The following PPP1R12C variants were observed in gnomAD, a reference collection of about 807,000 sequenced individuals.
PPP1R12C encodes protein phosphatase 1 regulatory subunit 12C.
A neutral mutation model predicts 95.6 loss-of-function variants in PPP1R12C; 48 were observed. The ratio of observed to expected loss-of-function variants is 0.50; its 90% confidence interval spans 0.40 to 0.64. The LOEUF (loss-of-function observed/expected upper bound fraction) is 0.64. Among genes scored for constraint, PPP1R12C ranks in the 30% least tolerant of loss-of-function variants. The probability of loss-of-function intolerance (pLI) is 0.00; values close to 1 mark genes in which losing one functional copy is unlikely to be tolerated. For missense variants in PPP1R12C, 1,057 were observed against 1,083.3 expected, an observed-to-expected ratio of 0.98 and a Z score of 0.34; for synonymous variants, 480 against 460.8, an observed-to-expected ratio of 1.04 and a Z score of -0.53.
At position 55,094,668 on chromosome 19, in the gene PPP1R12C, G is replaced by C. The variant is rs1487551917; in HGVS notation, c.1585C>G (p.Arg529Gly). 1 of 1,593,652 alleles carries C rather than the reference G, an allele frequency of 6.3e-7. No individual in the cohort carries two copies. The highest frequency in any genetic ancestry group is 1.7e-5 in the Admixed American group (1 of 57,482). The change falls in exon 12 of 22, where the codon CGA becomes GGA. Residue 529 changes from arginine to glycine, a missense_variant. This residue lies in a region of PPP1R12C where 356 missense variants were observed against 330.5 expected (regional missense o/e 1.08). Transcript: ENST00000263433. Reference protein sequence around the residue: ...STAPPADSRDRRRSYQMPVRD... With the variant: ...STAPPADSRDGRRSYQMPVRD... ...CTGCCCTGGCCTCTTCACCTCCGTCGGTCCCGGGAGTCCGCTGGGGGCGCC... is the reference window on the plus strand; with the variant it reads ...CTGCCCTGGCCTCTTCACCTCCGTCCGTCCCGGGAGTCCGCTGGGGGCGCC...
intron 3 of PPP1R12C, among the ~76,000 whole-genome samples, chr19:55,107,821 ACCAT>A (rs2147204455): frequency 6.6e-6 from 1 of 152,210 alleles, no homozygotes; most frequent in Admixed American, 6.5e-5. Context: ...GTACACATGT[ACCAT>A]AGAACTTAAA....
In PPP1R12C at chr19:55,094,727, G is replaced by C. The variant is rs748089061; in HGVS notation, c.1526C>G (p.Ser509Cys). 1 of 1,610,400 alleles carries C rather than the reference G, an allele frequency of 6.2e-7. No homozygotes were observed. The highest frequency in any genetic ancestry group is 1.1e-5 in the South Asian group (1 of 90,100). The change falls in exon 12 of 22, where the codon TCC becomes TGC. Residue 509 changes from serine (S) to cysteine (C), a missense_variant. Ser to Cys is a moderately radical substitution (Grantham distance 112). Transcript: ENST00000263433. ...SPPSRIPEPE[S>C]PAKPNVPTAS... ...TGTGGGGACGTTTGGCTTCGCTGGG[G>C]ATTCAGGCTCCGGAATCCTGGAGGG...
intron 4 of PPP1R12C, 63 bp from the exon 5 acceptor site, chr19:55,099,158 C>T (rs984454906): frequency 1.2e-4 from 179 of 1,446,432 alleles, no homozygotes; most frequent in African/African-American, 4.3e-5. Context: ...GGGCTGATTT[C>T]GGCCAGCGGT....
intron 6 of PPP1R12C, 71 bp downstream of exon 6, chr19:55,098,713 T>C: frequency 1.3e-6 from 2 of 1,587,430 alleles, no homozygotes; most frequent in Middle Eastern, 1.7e-4. Flanking sequence ...GGGTTCCCCC[T>C]CTGCACCCTC....
intron 1 of PPP1R12C, among the ~76,000 whole-genome samples, chr19:55,116,452 C>T (rs73932602): frequency 0.035 from 5,386 of 152,030 alleles, 276 homozygotes; most frequent in African/African-American, 0.12. Context: ...TGGAGGAAGA[C>T]GGAACCTGAA....
intron 17 of PPP1R12C, 35 bp from the exon 18 acceptor site, chr19:55,092,579 C>G: frequency 1.3e-6 from 2 of 1,565,826 alleles, no homozygotes; most frequent in Admixed American, 1.9e-5. Context: ...CAGGGGCCGG[C>G]CCGGCCCGCA....
intron 19 of PPP1R12C, 92 bp downstream of exon 19, chr19:55,092,130 G>A (rs1602966836): frequency 1.6e-6 from 2 of 1,244,650 alleles, no homozygotes; most frequent in Non-Finnish European, 1.1e-6. Flanking sequence ...CAGCCCCGCC[G>A]GCACCCCCAG....
At position 55,096,094 on chromosome 19, in the gene PPP1R12C, C is replaced by G. The variant is rs1281810436; in HGVS notation, c.1110G>C (p.Gly370=). 7 of 1,593,570 alleles carry G rather than the reference C, an allele frequency of 4.4e-6. No individual in the cohort carries two copies. Among genetic ancestry groups the G allele is most frequent in the African/African-American group, 2.7e-5 (2 of 74,006 alleles). The change falls in exon 8 of 22, where the codon GGG becomes GGC. Residue 370 remains glycine, a synonymous_variant. Transcript: ENST00000263433. ...CCTCATCCTCGTCCTGGATGGGGGG[C>G]CCCCCAGCCCCACCAGGCCGGCGCT... ...SKERRPGGAG[G]PPIQDEDEGE...
intron 1 of PPP1R12C, chr19:55,113,696 G>A: frequency 1.1e-6 from 1 of 925,092 alleles, no homozygotes; most frequent in Non-Finnish European, 1.4e-6. Flanking sequence ...TCTGGAGGAG[G>A]CGGGAGGGAG....
In PPP1R12C at chr19:55,094,408, C is replaced by T; in HGVS notation, c.1620G>A (p.Glu540=). ...GAGCTTTTCTCTGGGATTCCGACTCCTCATCCCGCACAGGCATCTGGTAGG... is the reference window on the plus strand; with the variant it reads ...GAGCTTTTCTCTGGGATTCCGACTCTTCATCCCGCACAGGCATCTGGTAGG... ...RRSYQMPVRD[E]ESESQRKARS... Residue 540 remains glutamate (E), a synonymous_variant, in exon 13 of 22, where the codon GAG becomes GAA. Transcript: ENST00000263433. 1 of 1,613,942 alleles carries T rather than the reference C, an allele frequency of 6.2e-7. No homozygotes were observed. Among genetic ancestry groups the T allele is most frequent in the Non-Finnish European group, 8.5e-7 (1 of 1,180,030 alleles).
chr19:55,106,139 C>A (rs1301359193), intron 3 of PPP1R12C, among the ~76,000 whole-genome samples: 1 of 152,158 alleles, frequency 6.6e-6, no homozygotes, highest in African/African-American at 2.4e-5. Context: ...AATAGTGGTG[C>A]CAGGCATGGT....
intron 6 of PPP1R12C, 110 bp downstream of exon 6, chr19:55,098,674 G>A (rs940119633): frequency 1.9e-5 from 26 of 1,336,878 alleles, no homozygotes; most frequent in East Asian, 2.3e-5. Flanking sequence ...ATAGCAGGTC[G>A]CTGGGGTGGT....
intron 3 of PPP1R12C, among the ~76,000 whole-genome samples, chr19:55,105,524 T>G (rs2085029084): frequency 2.0e-5 from 3 of 152,174 alleles, no homozygotes; most frequent in Non-Finnish European, 4.4e-5. Context: ...CAACATAAAA[T>G]TTACCAACTT....
At chr19:55,091,741 A>AGGAGGGCAGGG in intron 20 of PPP1R12C, 41 bp from the exon 21 acceptor site, 1 of 1,613,316 alleles carries the variant, frequency 6.2e-7, no homozygotes, top group Non-Finnish European at 8.5e-7. Context: ...AGTGAGGCTG[A>AGGAGGGCAGGG]GGAGGGCAGG....
At chr19:55,104,974 G>A (rs577388736) in intron 3 of PPP1R12C, among the ~76,000 whole-genome samples, 30 of 151,886 alleles carry the variant, frequency 2.0e-4, no homozygotes, top group Admixed American at 5.2e-4. Flanking sequence ...GTTTCATCAT[G>A]TTGGCCAGGC....
Position 55,109,390 on chromosome 19 carries a change from G to A in PPP1R12C, c.571+3077C>T, listed in dbSNP as rs563140297. 1.3e-5 allele frequency among the ~76,000 whole-genome samples: 2 copies of A among 152,360 alleles called. No individual in the cohort carries two copies. The highest frequency in any genetic ancestry group is 2.1e-4 in the South Asian group (1 of 4,832). On this transcript the variant is annotated intron_variant, in intron 3 of 21. Transcript: ENST00000263433. The surrounding 1 kb of genome is among the most constrained non-coding windows in gnomAD (Gnocchi z 4.4). ...TGGGCTTACAGGTCTGAGCCACTGTGCCAGGCCTCAAATGGCCTTTTCCGG... is the reference window on the plus strand; with the variant it reads ...TGGGCTTACAGGTCTGAGCCACTGTACCAGGCCTCAAATGGCCTTTTCCGG...
At position 55,109,515 on chromosome 19, in the gene PPP1R12C, C is replaced by T. The variant is rs989613722; in HGVS notation, c.571+2952G>A. Among the ~76,000 whole-genome samples, 1 of 152,228 alleles carries T rather than the reference C, an allele frequency of 6.6e-6. No homozygotes were observed. The highest frequency in any genetic ancestry group is 1.5e-5 in the Non-Finnish European group (1 of 68,040). On this transcript the variant is annotated intron_variant, in intron 3 of 21. Coordinates refer to ENST00000263433, the MANE Select transcript of PPP1R12C (RefSeq NM_017607.4). This position sits in a 1 kb window ranked among gnomAD's most constrained non-coding sequence, Gnocchi z 4.4. ...GAGGACTTTGCGGTGTTGGAGGGAG[C>T]GGTGGCTCCAGGCCACGAGGTGACT...
Position 55,091,497 on chromosome 19 carries a change from C to T in PPP1R12C, c.2324G>A (p.Arg775His), listed in dbSNP as rs771931355. The T allele has an allele frequency of 1.2e-5, 19 of 1,613,904 alleles. No homozygotes were observed. The highest frequency in any genetic ancestry group is 5.5e-5 in the South Asian group (5 of 91,090). The change falls in exon 22 of 22, where the codon CGC becomes CAC. Residue 775 changes from arginine to histidine, a missense_variant. Transcript: ENST00000263433. ...RLKDENAALIRVISKLSK is the reference protein window; with the variant it reads ...RLKDENAALIHVISKLSK ...TCACTTGGAGAGTTTGCTGATGACG[C>T]GGATCAACGCTGCATTCTCATCCTT...
intron 4 of PPP1R12C, among the ~76,000 whole-genome samples, chr19:55,100,650 T>C (rs943464385): frequency 2.6e-5 from 4 of 152,236 alleles, no homozygotes; most frequent in African/African-American, 4.8e-5. Context: ...TCTCACACTG[T>C]CACCCAGGCT....
Sources: gnomAD v4.1 joint callset for allele counts (sites outside exome capture counted in the v4.1 genomes callset) on GRCh38, gnomAD v4.1.1 for gene constraint, gnomAD v4.1.1 regional missense constraint, Gnocchi (gnomAD v3.1) non-coding constraint, MANE v1.5 for transcripts, NCBI Gene and HGNC (gene_info 2026-07-23, HGNC 2026-07-21) for gene names.